Variants in GRAMD4 observed in about 807,000 individuals in gnomAD.
The protein encoded by GRAMD4 is GRAM domain containing 4.
GRAMD4 carries 25 observed loss-of-function variants against 83.9 expected under a neutral mutation model. The observed-to-expected ratio is 0.30, with a 90% confidence interval of 0.22 to 0.42. The LOEUF (loss-of-function observed/expected upper bound fraction) is 0.42. GRAMD4 is among the 10% of genes least tolerant of loss of function. The pLI is 1.00. For synonymous variants in GRAMD4, 336 were observed against 320.9 expected (o/e 1.05, Z -0.50); for missense variants, 593 against 788.7 (o/e 0.75, Z 2.97).
At chr22:46,661,533 G>T in intron 5 of GRAMD4, 91 bp downstream of exon 5, 1 of 901,472 alleles carries the variant, frequency 1.1e-6, no homozygotes, top group Non-Finnish European at 1.8e-6. Context: ...TAACAATGGA[G>T]CAGATACCCC....
intron 3 of GRAMD4, among the ~76,000 whole-genome samples, chr22:46,643,155 C>CCATGCATCCATCCATGCATGCATGCATG (rs2082007431): frequency 1.4e-4 from 2 of 14,184 alleles, no homozygotes; most frequent in Non-Finnish European, 1.7e-4. Context: ...ATCCATCCAT[C>CCATGCATCCATCCATGCATGCATGCATG]CATCCATCCA....
At chr22:46,625,139 C>T (rs964357895) in intron 1 of GRAMD4, among the ~76,000 whole-genome samples, 4 of 152,288 alleles carry the variant, frequency 2.6e-5, no homozygotes, top group East Asian at 1.9e-4. Flanking sequence ...GAATTACAGG[C>T]GTGAGCCACC....
At chr22:46,610,027 A>G (rs138524) in intron 1 of GRAMD4, among the ~76,000 whole-genome samples, 121,193 of 152,156 alleles carry the variant, frequency 0.8, 48,985 homozygotes, top group East Asian at 1. Context: ...AGAAGCCCCC[A>G]GGCTACGGCC....
chr22:46,646,940 C>G (rs561879776), intron 3 of GRAMD4, among the ~76,000 whole-genome samples: 2 of 152,292 alleles, frequency 1.3e-5, no homozygotes, highest in African/African-American at 4.8e-5. Flanking sequence ...CAGGGAAACT[C>G]CCCCTTATAA....
chr22:46,605,656 A>G (rs1220549335), intron 1 of GRAMD4, among the ~76,000 whole-genome samples: 1 of 152,258 alleles, frequency 6.6e-6, no homozygotes, highest in African/African-American at 2.4e-5. Context: ...ATGGGTGTGA[A>G]AGGGTCTCCC....
intron 1 of GRAMD4, among the ~76,000 whole-genome samples, chr22:46,595,082 G>A (rs1260713986): frequency 6.6e-6 from 1 of 152,130 alleles, no homozygotes; most frequent in African/African-American, 2.4e-5. Context: ...GGAAAGTTGG[G>A]TCCGCATCCC....
intron 4 of GRAMD4, among the ~76,000 whole-genome samples, chr22:46,660,847 G>A (rs1189129679): frequency 6.6e-6 from 1 of 152,194 alleles, no homozygotes; most frequent in African/African-American, 2.4e-5. Context: ...GCCCGGTTCT[G>A]TGCTGCACCT....
chr22:46,651,745 C>A (rs117103871), intron 3 of GRAMD4, among the ~76,000 whole-genome samples: 1 of 152,194 alleles, frequency 6.6e-6, no homozygotes. Context: ...CTGTTCACTG[C>A]GGGGGTTTAG....
rs571204777 is a variant in GRAMD4, at chr22:46,677,337, T to C, written c.*86T>C. Reference sequence around the variant, plus strand: ...TTTTACGATTTGGTAGTGGAAACAATTGGACATCCTCATGAGCTTTTGCAA... The same window carrying C: ...TTTTACGATTTGGTAGTGGAAACAACTGGACATCCTCATGAGCTTTTGCAA... On this transcript the variant is annotated 3_prime_UTR_variant, in exon 19 of 19. Transcript: ENST00000406902. 1.6e-4 allele frequency: 240 copies of C among 1,486,224 alleles called. No homozygotes were observed. Among genetic ancestry groups the C allele is most frequent in the Middle Eastern group, 3.6e-4 (2 of 5,564 alleles). 92.1% of individuals were successfully genotyped at this position (1,486,224 alleles called of 1,614,324 possible).
At chr22:46,632,926 C>T (rs1199621079) in intron 2 of GRAMD4, among the ~76,000 whole-genome samples, 1 of 152,246 alleles carries the variant, frequency 6.6e-6, no homozygotes, top group East Asian at 1.9e-4. Context: ...CAGAGCCTTT[C>T]CACGCAGGCC....
chr22:46,661,792 C>T (rs780972601), intron 5 of GRAMD4, among the ~76,000 whole-genome samples: 1 of 152,248 alleles, frequency 6.6e-6, no homozygotes, highest in Non-Finnish European at 1.5e-5. Flanking sequence ...TGGTCACTGC[C>T]GCTGCCCTGG....
Position 46,672,769 on chromosome 22 carries a change from C to T in GRAMD4, c.1085-74C>T, listed in dbSNP as rs1485885664. ...TGCCAATCTGGGAGGTGGGAGGTGC[C>T]GGAACCATCACCCTGAGTAGACTGG... is the stretch of plus-strand genomic sequence containing the variant. On this transcript the variant is annotated intron_variant, in intron 13 of 18. Transcript: ENST00000406902. The surrounding 1 kb of genome is among the most constrained non-coding windows in gnomAD (Gnocchi z 4.7). 4.8e-6 allele frequency: 6 copies of T among 1,255,772 alleles called. No homozygotes were observed. Among genetic ancestry groups the T allele is most frequent in the Non-Finnish European group, 3.4e-6 (3 of 883,268 alleles). The allele number at this position is 1,255,772 out of a possible 1,614,324, so 77.8% of individuals were successfully genotyped here. A position where few individuals can be genotyped will look rare whatever the true frequency, so the allele number is the denominator to read the frequency against.
chr22:46,643,104 C>CATGCATGCATCT (rs2082000788), intron 3 of GRAMD4, among the ~76,000 whole-genome samples: 1 of 144,842 alleles, frequency 6.9e-6, no homozygotes. Context: ...TCCATCCATC[C>CATGCATGCATCT]ATCCATCCAT....
At position 46,678,669 on chromosome 22, in the gene GRAMD4, G is replaced by C. The variant is rs2082634360; in HGVS notation, c.*1418G>C. The C allele has an allele frequency of 7.1e-6, 7 of 985,626 alleles. No homozygotes were observed. The highest frequency in any genetic ancestry group is 8.4e-6 in the Non-Finnish European group (7 of 829,906). 61.1% of individuals were successfully genotyped at this position (985,626 alleles called of 1,614,324 possible). A position where few individuals can be genotyped will look rare whatever the true frequency, so the allele number is the denominator to read the frequency against. On this transcript the variant is annotated 3_prime_UTR_variant, in exon 19 of 19. Coordinates refer to ENST00000406902, the MANE Select transcript of GRAMD4 (RefSeq NM_015124.5). ...GAAACAGAAGATTCTATTTTTTACA[G>C]CGAGCAAGCTGGTTTTCTTATTTTT...
chr22:46,675,472 T>C lies in GRAMD4; in HGVS notation c.1483T>C (p.Leu495=), dbSNP rs926858147. Residue 495 remains leucine (L), a synonymous_variant, in exon 17 of 19, where the codon TTG becomes CTG. Coordinates refer to ENST00000406902, the MANE Select transcript of GRAMD4 (RefSeq NM_015124.5). ...CTCTGTCCGTTCCCCTTCCAGTTAC[T>C]TGTGCTTCGAAAGCTCCAAATCTGG... is the stretch of plus-strand genomic sequence containing the variant. The part of the protein sequence containing the change: ...NGVLYVTENY[L]CFESSKSGSS... The C allele has an allele frequency of 1.2e-6, 2 of 1,610,682 alleles. No homozygotes were observed. The highest frequency in any genetic ancestry group is 1.7e-6 in the Non-Finnish European group (2 of 1,177,218).
At position 46,673,787 on chromosome 22, in the gene GRAMD4, C is replaced by G. The variant is rs745998887; in HGVS notation, c.1357C>G (p.Leu453Val). ...KKGNFHEIFNLTENERPLAVC... is the reference protein window; with the variant it reads ...KKGNFHEIFNVTENERPLAVC... Reference sequence around the variant, plus strand: ...GGGCAATTTCCACGAGATCTTCAATCTGACAGAAAACGAGCGTCCGCTGGC... The same window carrying G: ...GGGCAATTTCCACGAGATCTTCAATGTGACAGAAAACGAGCGTCCGCTGGC... The change falls in exon 15 of 19, where the codon CTG becomes GTG. Residue 453 changes from leucine to valine, a missense_variant. Coordinates refer to ENST00000406902, the MANE Select transcript of GRAMD4 (RefSeq NM_015124.5). The G allele has an allele frequency of 6.2e-7, 1 of 1,613,132 alleles. No homozygotes were observed. Among genetic ancestry groups the G allele is most frequent in the Admixed American group, 1.7e-5 (1 of 60,034 alleles).
intron 7 of GRAMD4, 46 bp from the exon 8 acceptor site, chr22:46,663,980 G>A (rs374495796): frequency 4.4e-6 from 7 of 1,575,496 alleles, no homozygotes; most frequent in Non-Finnish European, 6.1e-6. Context: ...TGGTTAAGCG[G>A]CCTCCTACCC....
chr22:46,630,296 G>A (rs959092170), intron 2 of GRAMD4, among the ~76,000 whole-genome samples: 2 of 152,182 alleles, frequency 1.3e-5, no homozygotes, highest in Non-Finnish European at 2.9e-5. Context: ...AGAGTGCTGG[G>A]ATTACAGACG....
At chr22:46,641,565 C>A (rs2081975964) in intron 3 of GRAMD4, among the ~76,000 whole-genome samples, 1 of 152,100 alleles carries the variant, frequency 6.6e-6, no homozygotes, top group Non-Finnish European at 1.5e-5. Context: ...CACTTTTTGT[C>A]CTTGGTAGAC....
Sources: allele counts gnomAD v4.1 joint callset (sites outside exome capture counted in the v4.1 genomes callset), GRCh38; gene constraint gnomAD v4.1.1; non-coding constraint Gnocchi (gnomAD v3.1); transcripts MANE v1.5; gene names NCBI Gene and HGNC (gene_info 2026-07-23, HGNC 2026-07-21).